The following CRLF2 variants were observed in gnomAD, a reference collection of about 807,000 sequenced individuals.
CRLF2 encodes cytokine receptor-like factor 2.
In CRLF2, 41 loss-of-function variants were observed where a neutral mutation model predicts 38.7. The observed-to-expected ratio is 1.06, with a 90% CI of 0.83 to 1.37. CRLF2 has a LOEUF of 1.37. Among genes scored for constraint, CRLF2 ranks in the 40% most tolerant of loss-of-function variants. The pLI, the probability that CRLF2 is intolerant of heterozygous loss-of-function variation, is 0.00. For synonymous variants in CRLF2, 140 were observed against 128.8 expected, an observed-to-expected ratio of 1.09 and a Z score of -0.59; for missense variants, 377 against 322.2, an observed-to-expected ratio of 1.17 and a Z score of -1.30.
rs181595065 is a variant in CRLF2, at chrX:1,207,237, C to T, written c.183-638G>A. Reference sequence around the variant, plus strand: ...CTGGGATTACAGGCGTGAGCCACCGCGCCCGGCCGTTTTTTTATTTGTTCG... The same window carrying T: ...CTGGGATTACAGGCGTGAGCCACCGTGCCCGGCCGTTTTTTTATTTGTTCG... On this transcript the variant is annotated intron_variant, in intron 2 of 7. Coordinates refer to ENST00000400841, the MANE Select transcript of CRLF2 (RefSeq NM_022148.4). Among the ~76,000 whole-genome samples the T allele has an allele frequency of 2.4e-3, 363 of 151,846 alleles. 2 individuals carry two copies. Among genetic ancestry groups the T allele is most frequent in the Admixed American group, 4.2e-3 (64 of 15,240 alleles).
At chrX:1,204,563 C>T (rs2086660736) in intron 3 of CRLF2, among the ~76,000 whole-genome samples, 2 of 150,992 alleles carry the variant, frequency 1.3e-5, no homozygotes, top group African/African-American at 4.9e-5. Context: ...ATAAATCGCC[C>T]AGGCTGCAGT....
chrX:1,203,983 A>C (rs2086650600), intron 3 of CRLF2, among the ~76,000 whole-genome samples: 1 of 151,988 alleles, frequency 6.6e-6, no homozygotes, highest in South Asian at 2.1e-4. Flanking sequence ...TTTTGGAAAC[A>C]GGGTTTCCCT....
At position 1,206,497 on chromosome X, in the gene CRLF2, G is replaced by C. The variant is rs1171164047; in HGVS notation, c.285C>G (p.Leu95=). The C allele has an allele frequency of 6.2e-7, 1 of 1,613,640 alleles. No homozygotes were observed. The highest frequency in any genetic ancestry group is 1.1e-5 in the South Asian group (1 of 91,070). The part of the protein sequence containing the change: ...LLDAEQRDDI[L]YFSIRNGTHP... ...GCGTCCCATTCCTGATGGAGAAATA[G>C]AGAATGTCGTCTCGCTGCTCTGCGT... The change falls in exon 3 of 8, where the codon CTC becomes CTG. Residue 95 remains leucine (L), a synonymous_variant. Coordinates refer to ENST00000400841, the MANE Select transcript of CRLF2 (RefSeq NM_022148.4).
chrX:1,212,446 A>G (rs1382490899), intron 1 of CRLF2, 110 bp downstream of exon 1: 8 of 678,746 alleles, frequency 1.2e-5, no homozygotes, highest in African/African-American at 1.8e-5. Flanking sequence ...AAAGAAAAGA[A>G]GAAAGAAACC....
rs1184938524 is a variant in CRLF2, at chrX:1,190,815, G to A, written c.*82C>T. 3 of 398,560 alleles carry A rather than the reference G, an allele frequency of 7.5e-6. No individual in the cohort carries two copies. The highest frequency in any genetic ancestry group is 1.3e-5 in the Non-Finnish European group (3 of 226,100). The allele number at this position is 398,560 out of a possible 1,614,324, so 24.7% of individuals were successfully genotyped here. The stretch of plus-strand genomic sequence containing the variant: ...GGCGTGGAGACTTCCCATCCATGGT[G>A]GTGTGGAGTCCCCGGGACAGTCCCC... On this transcript the variant is annotated 3_prime_UTR_variant, in exon 8 of 8. Transcript: ENST00000400841.
chrX:1,203,586 A>G (rs1419025384), intron 3 of CRLF2, among the ~76,000 whole-genome samples: 7 of 151,090 alleles, frequency 4.6e-5, no homozygotes, highest in Admixed American at 6.6e-5. Flanking sequence ...AAGAGGAGAC[A>G]CAGAGGAGAA....
At chrX:1,207,630 T>C (rs2086716151) in intron 2 of CRLF2, among the ~76,000 whole-genome samples, 1 of 144,282 alleles carries the variant, frequency 6.9e-6, no homozygotes, top group South Asian at 2.2e-4. Context: ...AATCCAGCAC[T>C]TTTTTTTTTC....
chrX:1,197,104 T>C (rs1395831213), intron 5 of CRLF2, among the ~76,000 whole-genome samples: 3 of 148,444 alleles, frequency 2.0e-5, no homozygotes, highest in African/African-American at 7.5e-5. Flanking sequence ...TTTTTTTTTT[T>C]TTTTTTGAGA....
chrX:1,205,924 C>T (rs1475087415), intron 3 of CRLF2, among the ~76,000 whole-genome samples: 1 of 151,610 alleles, frequency 6.6e-6, no homozygotes, highest in African/African-American at 2.4e-5. Flanking sequence ...ATCATGGATC[C>T]GGTAATTTGC....
chrX:1,193,866 C>G (rs2086436459), intron 6 of CRLF2, among the ~76,000 whole-genome samples: 1 of 150,286 alleles, frequency 6.7e-6, no homozygotes, highest in Admixed American at 6.7e-5. Flanking sequence ...GAGGCTGAGG[C>G]AGGAGAATCA....
intron 7 of CRLF2, among the ~76,000 whole-genome samples, chrX:1,192,074 G>A (rs1341850469): frequency 4.0e-5 from 6 of 149,134 alleles, no homozygotes; most frequent in Non-Finnish European, 7.4e-5. Flanking sequence ...GTGTGGTGGC[G>A]GGCGCCTGTA....
chrX:1,195,384 A>T, intron 6 of CRLF2, among the ~76,000 whole-genome samples: 1 of 151,910 alleles, frequency 6.6e-6, no homozygotes, highest in Non-Finnish European at 1.5e-5. Flanking sequence ...TGCCCTCACC[A>T]AGTTGCACAG....
At chrX:1,197,743 G>A (rs1164726239) in intron 5 of CRLF2, among the ~76,000 whole-genome samples, 1 of 151,862 alleles carries the variant, frequency 6.6e-6, no homozygotes, top group Non-Finnish European at 1.5e-5. Context: ...GAACTCGGGA[G>A]GCGGAGGTTG....
rs1237666024 is a variant in CRLF2 at position 1,204,733 on chromosome X, G to A, written c.349+1700C>T. On this transcript the variant is annotated intron_variant, in intron 3 of 7. Transcript: ENST00000400841. ...ATAGAGACGGGGTTTCACCACGTTG[G>A]CAAGGCTGGTCTCGAACTCCAGACC... Among the ~76,000 whole-genome samples the A allele has an allele frequency of 2.6e-5, 4 of 151,282 alleles. No homozygotes were observed. The Admixed American group carries it at 2.6e-4, about 10-fold the overall frequency.
intron 1 of CRLF2, among the ~76,000 whole-genome samples, chrX:1,210,351 TC>T (rs1239212569): frequency 1.3e-5 from 2 of 152,102 alleles, no homozygotes; most frequent in Non-Finnish European, 2.9e-5. Context: ...TCTCGCTCTG[TC>T]GCCCACGCTG....
At chrX:1,210,897 A>G (rs2086785381) in intron 1 of CRLF2, among the ~76,000 whole-genome samples, 1 of 152,012 alleles carries the variant, frequency 6.6e-6, no homozygotes. Context: ...GGATGGATGA[A>G]TAAATGGATG....
chrX:1,198,771 A>ACAAAAT, intron 4 of CRLF2, 47 bp from the exon 5 acceptor site: 1 of 1,400,180 alleles, frequency 7.1e-7, no homozygotes, highest in Non-Finnish European at 9.9e-7. Flanking sequence ...ACACACACAC[A>ACAAAAT]CACACACACA....
At chrX:1,206,942 C>CT (rs766628411) in intron 2 of CRLF2, among the ~76,000 whole-genome samples, 4,384 of 115,642 alleles carry the variant, frequency 0.038, 207 homozygotes, top group African/African-American at 0.1. Context: ...ACCACACCGG[C>CT]TTTTTTTTTT....
intron 4 of CRLF2, among the ~76,000 whole-genome samples, chrX:1,201,855 A>G (rs1378000520): frequency 6.6e-6 from 1 of 152,102 alleles, no homozygotes; most frequent in Non-Finnish European, 1.5e-5. Flanking sequence ...TAGGGATGAT[A>G]TATATAGAAG....
Sources: allele counts gnomAD v4.1 joint callset (sites outside exome capture counted in the v4.1 genomes callset), GRCh38; gene constraint gnomAD v4.1.1; transcripts MANE v1.5; gene names NCBI Gene and HGNC (gene_info 2026-07-23, HGNC 2026-07-21).